The following KNTC1 variants were observed in gnomAD, a reference collection of about 807,000 sequenced individuals.
KNTC1 encodes kinetochore-associated protein 1.
KNTC1 carries 253 observed loss-of-function variants against 314.4 expected under a neutral mutation model. The ratio of observed to expected loss-of-function variants is 0.80; its 90% CI spans 0.73 to 0.89. The LOEUF is 0.89. KNTC1 is among the 40% of genes least tolerant of loss of function. The probability of loss-of-function intolerance (pLI) is 0.00; values close to 1 mark genes in which losing one functional copy is unlikely to be tolerated. For missense variants in KNTC1, 2,475 were observed against 2,572.9 expected (o/e 0.96, Z 0.82); for synonymous variants, 901 against 901.4 (o/e 1.00, Z 0.01).
intron 51 of KNTC1, among the ~76,000 whole-genome samples, chr12:122,608,665 A>G (rs1312794208): frequency 5.9e-5 from 9 of 152,216 alleles, no homozygotes. Flanking sequence ...CTGCATGTAT[A>G]CATAGCACCT....
chr12:122,597,672 A>G lies in KNTC1; in HGVS notation c.4356-59A>G, dbSNP rs2138084851. The G allele has an allele frequency of 2.1e-6, 3 of 1,396,086 alleles. No individual in the cohort carries two copies. The South Asian group carries it at 3.5e-5, about 16-fold the overall frequency. 86.5% of individuals were successfully genotyped at this position (1,396,086 alleles called of 1,614,324 possible). On this transcript the variant is annotated intron_variant, in intron 43 of 63. Transcript: ENST00000333479. ...CATGTACCCAAGTGTTTTGTCAGAT[A>G]CTTTGCATGGAAATGCCTGCAGTTT...
At chr12:122,556,934 T>TC (rs1461370962) in intron 16 of KNTC1, among the ~76,000 whole-genome samples, 2 of 147,002 alleles carry the variant, frequency 1.4e-5, no homozygotes, top group African/African-American at 5.0e-5. Context: ...TTTTTTTTTT[T>TC]TTTTTTAAAT....
intron 1 of KNTC1, chr12:122,527,766 G>C (rs1843547836): frequency 1.3e-5 from 2 of 152,200 alleles, no homozygotes; most frequent in African/African-American, 4.8e-5. Flanking sequence ...TTCCTACCCA[G>C]CCTCCGAGTC....
At chr12:122,534,899 C>A in intron 3 of KNTC1, 115 bp downstream of exon 3, 1 of 1,041,764 alleles carries the variant, frequency 9.6e-7, no homozygotes, top group Non-Finnish European at 1.4e-6. Flanking sequence ...TCAAATTAGA[C>A]CAATTTCAAG....
At chr12:122,600,697 G>C (rs948628725) in intron 44 of KNTC1, among the ~76,000 whole-genome samples, 2 of 151,406 alleles carry the variant, frequency 1.3e-5, no homozygotes, top group African/African-American at 4.9e-5. Context: ...ACATAGTCTG[G>C]TTCTTTTGTT....
At chr12:122,541,467 C>T (rs1438201769) in intron 5 of KNTC1, among the ~76,000 whole-genome samples, 1 of 151,630 alleles carries the variant, frequency 6.6e-6, no homozygotes, top group African/African-American at 2.4e-5. Flanking sequence ...CTGCCTCAGC[C>T]TCCTGAGTAG....
intron 62 of KNTC1, among the ~76,000 whole-genome samples, chr12:122,623,833 G>A (rs183371876): frequency 6.6e-4 from 100 of 152,242 alleles, no homozygotes; most frequent in Middle Eastern, 3.4e-3. Flanking sequence ...TTGGGAGGCC[G>A]AGGCGGGTGG....
At chr12:122,615,389 G>A in intron 56 of KNTC1, 81 bp from the exon 57 acceptor site, 1 of 1,195,126 alleles carries the variant, frequency 8.4e-7, no homozygotes, top group Non-Finnish European at 1.2e-6. Context: ...ACTTCTTCTG[G>A]AACTTTAACA....
chr12:122,562,807 C>T (rs373851708), intron 20 of KNTC1, 108 bp downstream of exon 20: 3 of 641,528 alleles, frequency 4.7e-6, no homozygotes, highest in African/African-American at 3.7e-5. Flanking sequence ...ATCAGGAGTT[C>T]GAGACCAGCC....
At chr12:122,594,213 C>T in intron 42 of KNTC1, 63 bp from the exon 43 acceptor site, 1 of 907,314 alleles carries the variant, frequency 1.1e-6, no homozygotes, top group Non-Finnish European at 1.8e-6. Context: ...TGATGTTGCC[C>T]TTACTCTGAT....
chr12:122,537,370 A>T (rs1292048471), intron 3 of KNTC1, among the ~76,000 whole-genome samples: 22 of 149,632 alleles, frequency 1.5e-4, no homozygotes, highest in Admixed American at 8.0e-4. Context: ...AACATCTATC[A>T]CCTTCTTACA....
chr12:122,593,128 C>G (rs1224814937), intron 42 of KNTC1: 1 of 168,576 alleles, frequency 5.9e-6, no homozygotes, highest in Non-Finnish European at 1.2e-5. Flanking sequence ...AAACTCCAGA[C>G]GCGCCACCTT....
intron 62 of KNTC1, among the ~76,000 whole-genome samples, chr12:122,623,784 T>C (rs1253154681): frequency 6.6e-6 from 1 of 152,038 alleles, no homozygotes; most frequent in East Asian, 1.9e-4. Context: ...AACATAATTC[T>C]GGCCGGGCGC....
chr12:122,587,239 A>G lies in KNTC1; in HGVS notation c.3731-472A>G, dbSNP rs377358292. On this transcript the variant is annotated intron_variant, in intron 38 of 63. Coordinates refer to ENST00000333479, the MANE Select transcript of KNTC1 (RefSeq NM_014708.6). ...GGCTGCAATGAGCTATGATGGCACT[A>G]CTGTACTCCAGCCTGGGCAACAGAA... 2.6e-4 allele frequency among the ~76,000 whole-genome samples: 39 copies of G among 152,338 alleles called. 1 individual carries two copies. The East Asian group carries it at 3.9e-3, about 15-fold the overall frequency.
chr12:122,599,159 G>A (rs1025744375), intron 44 of KNTC1, among the ~76,000 whole-genome samples: 2 of 150,998 alleles, frequency 1.3e-5, no homozygotes, highest in African/African-American at 2.4e-5. Context: ...AGAGAAGGGG[G>A]TCTCACTATA....
chr12:122,585,122 T>C, intron 36 of KNTC1, 132 bp downstream of exon 36: 2 of 617,124 alleles, frequency 3.2e-6, no homozygotes, highest in South Asian at 4.1e-5. Context: ...ACTGCAGTCT[T>C]GAACTGGGCT....
At chr12:122,542,289 C>T (rs1342678905) in intron 6 of KNTC1, among the ~76,000 whole-genome samples, 162 bp downstream of exon 6, 1 of 152,096 alleles carries the variant, frequency 6.6e-6, no homozygotes, top group Non-Finnish European at 1.5e-5. Context: ...CAGTTATTCT[C>T]CTCTGTTAGA....
chr12:122,561,826 T>C, intron 18 of KNTC1, 95 bp from the exon 19 acceptor site: 1 of 994,282 alleles, frequency 1.0e-6, no homozygotes, highest in African/African-American at 1.6e-5. Context: ...TGCAATTTAT[T>C]TAAAAAAATT....
At chr12:122,542,384 G>A (rs1962410298) in intron 6 of KNTC1, among the ~76,000 whole-genome samples, 1 of 152,164 alleles carries the variant, frequency 6.6e-6, no homozygotes, top group African/African-American at 2.4e-5. Context: ...CAGTTTAGTT[G>A]GGGAGACAAG....
Sources: gnomAD v4.1 joint callset for allele counts (sites outside exome capture counted in the v4.1 genomes callset) on GRCh38, gnomAD v4.1.1 for gene constraint, MANE v1.5 for transcripts, NCBI Gene and HGNC (gene_info 2026-07-23, HGNC 2026-07-21) for gene names.